Variants in NR3C1 observed in about 807,000 individuals in gnomAD.
The protein encoded by NR3C1 is glucocorticoid receptor.
A neutral mutation model predicts 74.0 loss-of-function variants in NR3C1; 14 were observed. The ratio of observed to expected loss-of-function variants is 0.19; its 90% CI spans 0.12 to 0.30. The LOEUF (loss-of-function observed/expected upper bound fraction) is 0.30. Ranked by LOEUF, NR3C1 falls within the 10% of genes least tolerant of loss-of-function variation. NR3C1 has a pLI of 1.00. For missense variants in NR3C1, 695 were observed against 909.8 expected (o/e 0.76, Z 3.04); for synonymous variants, 308 against 332.5 (o/e 0.93, Z 0.80).
chr5:143,325,408 T>C (rs1824368512), intron 2 of NR3C1, among the ~76,000 whole-genome samples: 3 of 152,210 alleles, frequency 2.0e-5, no homozygotes, highest in Admixed American at 2.0e-4. Flanking sequence ...TAGCTCCCCC[T>C]GGGTCCCTCC....
chr5:143,373,030 A>G (rs1183174512), intron 2 of NR3C1, among the ~76,000 whole-genome samples: 1 of 152,240 alleles, frequency 6.6e-6, no homozygotes, highest in African/African-American at 2.4e-5. Flanking sequence ...AAAAATTATT[A>G]AATGGCACCA....
intron 3 of NR3C1, among the ~76,000 whole-genome samples, chr5:143,310,615 T>A (rs949344033): frequency 5.3e-5 from 8 of 152,192 alleles, no homozygotes; most frequent in Admixed American, 2.6e-4. Flanking sequence ...ACTACTTTTT[T>A]GATAAACTGT....
chr5:143,314,236 CT>C (rs1251266814), intron 2 of NR3C1, 68 bp from the exon 3 acceptor site: 2 of 1,520,046 alleles, frequency 1.3e-6, no homozygotes, highest in Non-Finnish European at 1.8e-6. Context: ...GTTCTCTTAG[CT>C]TCTCACTTCA....
chr5:143,357,768 A>G (rs1012966008), intron 2 of NR3C1, among the ~76,000 whole-genome samples: 1 of 152,256 alleles, frequency 6.6e-6, no homozygotes, highest in Non-Finnish European at 1.5e-5. Context: ...ACTGAAAAAT[A>G]CATATCTTCA....
At chr5:143,386,340 A>G (rs1837216672) in intron 2 of NR3C1, among the ~76,000 whole-genome samples, 1 of 152,214 alleles carries the variant, frequency 6.6e-6, no homozygotes, top group African/African-American at 2.4e-5. Context: ...TGTAAAGGGT[A>G]CATAGAAAAG....
intron 2 of NR3C1, among the ~76,000 whole-genome samples, chr5:143,379,429 T>C (rs1029604943): frequency 6.6e-6 from 1 of 152,202 alleles, no homozygotes; most frequent in Admixed American, 6.5e-5. Context: ...TCTGTCACAA[T>C]GATTCTGCCT....
At chr5:143,423,068 C>A (rs540116679) in intron 1 of NR3C1, among the ~76,000 whole-genome samples, 3 of 152,226 alleles carry the variant, frequency 2.0e-5, no homozygotes, top group East Asian at 3.9e-4. Flanking sequence ...TGACATTGGT[C>A]TGGCCAAATA....
chr5:143,290,003 T>G (rs1815486178), intron 7 of NR3C1, among the ~76,000 whole-genome samples: 1 of 152,234 alleles, frequency 6.6e-6, no homozygotes, highest in Non-Finnish European at 1.5e-5. Flanking sequence ...CTTATTTTTT[T>G]GTCTGCTTAA....
intron 7 of NR3C1, among the ~76,000 whole-genome samples, chr5:143,290,808 G>T (rs570668823): frequency 1.3e-5 from 2 of 151,816 alleles, no homozygotes; most frequent in East Asian, 3.9e-4. Context: ...CAAGTGATCT[G>T]CCCACAGCCT....
Position 143,381,240 on chromosome 5 carries a change from G to GA in NR3C1, c.1184+18415dup, listed in dbSNP as rs199913380. Among the ~76,000 whole-genome samples the GA allele has an allele frequency of 8.7e-3, 1,317 of 151,880 alleles. 16 individuals are homozygous for GA. The highest frequency in any genetic ancestry group is 0.03 in the African/African-American group (1,250 of 41,430). ...TAGGAATAAACTCAACGAAAGAAGTGAAAGAGCTCTACAATGAAAACAATA... is the reference window on the plus strand; with the variant it reads ...TAGGAATAAACTCAACGAAAGAAGTGAAAAGAGCTCTACAATGAAAACAATA... On this transcript the variant is annotated intron_variant, in intron 2 of 8. Transcript: ENST00000394464.
intron 2 of NR3C1, among the ~76,000 whole-genome samples, chr5:143,364,699 T>A (rs941916407): frequency 1.3e-5 from 2 of 152,024 alleles, no homozygotes; most frequent in Non-Finnish European, 2.9e-5. Flanking sequence ...TAATCTAAAT[T>A]AGATTTTTTT....
At chr5:143,311,478 T>A (rs2151608726) in intron 3 of NR3C1, among the ~76,000 whole-genome samples, 1 of 152,314 alleles carries the variant, frequency 6.6e-6, no homozygotes, top group South Asian at 2.1e-4. Flanking sequence ...TGTACCTTCA[T>A]AAGTTAAAAA....
intron 2 of NR3C1, among the ~76,000 whole-genome samples, chr5:143,320,575 C>G (rs903003023): frequency 6.6e-6 from 1 of 152,146 alleles, no homozygotes; most frequent in African/African-American, 2.4e-5. Flanking sequence ...TCCAAATAAG[C>G]TGGCCATATC....
chr5:143,406,803 A>C (rs1047653437), upstream of NR3C1, among the ~76,000 whole-genome samples: 2 of 152,234 alleles, frequency 1.3e-5, no homozygotes, highest in African/African-American at 2.4e-5. Flanking sequence ...ATGAAGTAGT[A>C]TATCAATTCT....
At chr5:143,350,634 T>C (rs748439392) in intron 2 of NR3C1, among the ~76,000 whole-genome samples, 4 of 152,116 alleles carry the variant, frequency 2.6e-5, no homozygotes, top group Non-Finnish European at 5.9e-5. Context: ...ACATCTGAGC[T>C]GGAGATACAG....
intron 2 of NR3C1, among the ~76,000 whole-genome samples, chr5:143,337,935 C>T (rs985030554): frequency 6.6e-6 from 1 of 152,196 alleles, no homozygotes; most frequent in Admixed American, 6.5e-5. Context: ...TATGGTCATA[C>T]TGGAGGCCTC....
At chr5:143,321,999 ACTTT>A (rs1823490029) in intron 2 of NR3C1, among the ~76,000 whole-genome samples, 1 of 152,154 alleles carries the variant, frequency 6.6e-6, no homozygotes, top group Non-Finnish European at 1.5e-5. Flanking sequence ...TCTTATTTAT[ACTTT>A]CTATCTTTAT....
At position 143,300,173 on chromosome 5, in the gene NR3C1, A is replaced by G. The variant is rs991574875; in HGVS notation, c.1747+312T>C. Among the ~76,000 whole-genome samples, 6 of 152,362 alleles carry G rather than the reference A, an allele frequency of 3.9e-5. No homozygotes were observed. Among genetic ancestry groups the G allele is most frequent in the Middle Eastern group, 3.4e-3 (1 of 294 alleles). ...TGAAGGAAAACAAATGGAATTAACT[A>G]AAAACATTTTCTTTCCCCAAACTTC... On this transcript the variant is annotated intron_variant, in intron 5 of 8. Coordinates refer to ENST00000394464, the MANE Select transcript of NR3C1 (RefSeq NM_000176.3). The surrounding 1 kb of genome is among the most constrained non-coding windows in gnomAD (Gnocchi z 5.2).
chr5:143,288,739 G>A (rs1815159878), intron 7 of NR3C1, among the ~76,000 whole-genome samples: 1 of 152,048 alleles, frequency 6.6e-6, no homozygotes, highest in Non-Finnish European at 1.5e-5. Flanking sequence ...TCTCAAAGTG[G>A]TGGAATTACA....
Sources: allele counts gnomAD v4.1 joint callset (sites outside exome capture counted in the v4.1 genomes callset), GRCh38; gene constraint gnomAD v4.1.1; non-coding constraint Gnocchi (gnomAD v3.1); transcripts MANE v1.5; gene names NCBI Gene and HGNC (gene_info 2026-07-23, HGNC 2026-07-21).